NEDD4L: variants seen among roughly 807,000 people sequenced by gnomAD.
NEDD4L encodes the protein NEDD4 like E3 ubiquitin protein ligase, also known as E3 ubiquitin-protein ligase NEDD4-like.
A neutral mutation model predicts 148.9 loss-of-function variants in NEDD4L; 54 were observed. The observed-to-expected ratio is 0.36, with a 90% CI of 0.29 to 0.45. The LOEUF is 0.45. Among genes scored for constraint, NEDD4L ranks in the 20% least tolerant of loss-of-function variants. The pLI is 1.00. For missense variants in NEDD4L, 856 were observed against 1,233.8 expected (o/e 0.69, Z 4.59); for synonymous variants, 433 against 440.7 (o/e 0.98, Z 0.22).
chr18:58,385,225 G>GTTAAAGCAT (rs1299636935), intron 25 of NEDD4L, among the ~76,000 whole-genome samples: 1 of 152,166 alleles, frequency 6.6e-6, no homozygotes, highest in Admixed American at 6.5e-5. Context: ...TTTTAAAGCA[G>GTTAAAGCAT]TTAAAGCATT....
intron 2 of NEDD4L, among the ~76,000 whole-genome samples, chr18:58,238,487 G>A (rs575882981): frequency 1.2e-4 from 18 of 152,186 alleles, no homozygotes; most frequent in East Asian, 1.9e-4. Context: ...TAAACCATTC[G>A]TAAACATCAT....
At chr18:58,253,599 C>T (rs1179245135) in intron 5 of NEDD4L, among the ~76,000 whole-genome samples, 1 of 152,178 alleles carries the variant, frequency 6.6e-6, no homozygotes, top group East Asian at 1.9e-4. Flanking sequence ...CAGTACGTTC[C>T]TGGAGACATG....
intron 5 of NEDD4L, among the ~76,000 whole-genome samples, chr18:58,287,410 G>A (rs1206070462): frequency 6.6e-6 from 1 of 152,144 alleles, no homozygotes; most frequent in African/African-American, 2.4e-5. Context: ...TTCTAGTATA[G>A]GCTCCCTGCC....
intron 2 of NEDD4L, among the ~76,000 whole-genome samples, chr18:58,168,413 T>C (rs954805051): frequency 2.0e-5 from 3 of 152,192 alleles, no homozygotes; most frequent in African/African-American, 7.2e-5. Flanking sequence ...CTTGGGCAAA[T>C]CCCTTAAAAC....
rs183465817 is a variant in NEDD4L, at chr18:58,269,022, A to G, written c.297+16968A>G. 2.6e-3 allele frequency among the ~76,000 whole-genome samples: 394 copies of G among 151,950 alleles called. 9 individuals are homozygous for G. The highest frequency in any genetic ancestry group is 0.014 in the Middle Eastern group (4 of 294). On this transcript the variant is annotated intron_variant, in intron 5 of 30. Transcript: ENST00000400345. ...AGTCTGGTGATCCTCCCTGGCAGAAACCTCACTGGGGATCATTTTTTCCTT... is the reference window on the plus strand; with the variant it reads ...AGTCTGGTGATCCTCCCTGGCAGAAGCCTCACTGGGGATCATTTTTTCCTT...
intron 5 of NEDD4L, chr18:58,255,315 TAA>T (rs10541382): frequency 0.04 from 7,360 of 184,356 alleles, 165 homozygotes; most frequent in African/African-American, 0.096. Context: ...TCTTGCTGTT[TAA>T]AAAAAAAAAA....
rs1470845026 is a variant in NEDD4L at position 58,256,291 on chromosome 18, G to A, written c.297+4237G>A. ...TGGGCCCCGATGGCCAGGGCGGCCC[G>A]GCCGCGGCAGAGCCCAGGCGCTGGT... On this transcript the variant is annotated intron_variant, in intron 5 of 30. Coordinates refer to ENST00000400345, the MANE Select transcript of NEDD4L (RefSeq NM_001144967.3). The surrounding 1 kb of genome is among the most constrained non-coding windows in gnomAD (Gnocchi z 5.2). The A allele has an allele frequency of 3.2e-6, 4 of 1,231,576 alleles. No individual in the cohort carries two copies. In the Admixed American group the frequency reaches 1.3e-4, roughly 39 times the overall value. The allele number at this position is 1,231,576 out of a possible 1,614,324, so 76.3% of individuals were successfully genotyped here. A position where few individuals can be genotyped will look rare whatever the true frequency, so the allele number is the denominator to read the frequency against.
chr18:58,235,960 G>C (rs2045960241), intron 2 of NEDD4L, among the ~76,000 whole-genome samples: 2 of 152,130 alleles, frequency 1.3e-5, no homozygotes. Context: ...TTGAACCTGG[G>C]AGGCGGAGGC....
intron 1 of NEDD4L, among the ~76,000 whole-genome samples, chr18:58,130,000 CT>C (rs1228102023): frequency 7.0e-6 from 1 of 143,624 alleles, no homozygotes; most frequent in African/African-American, 2.6e-5. Flanking sequence ...GTGTTGGGCT[CT>C]GTTGGGGTTT....
At chr18:58,269,162 C>T (rs2050665396) in intron 5 of NEDD4L, among the ~76,000 whole-genome samples, 1 of 151,808 alleles carries the variant, frequency 6.6e-6, no homozygotes, top group Admixed American at 6.6e-5. Flanking sequence ...GAAGACTTGC[C>T]CAAAGTGGGG....
intron 18 of NEDD4L, among the ~76,000 whole-genome samples, chr18:58,353,361 TG>T (rs2044167776): frequency 6.6e-6 from 1 of 152,274 alleles, no homozygotes; most frequent in African/African-American, 2.4e-5. Flanking sequence ...CCAATATATT[TG>T]TGGCCATTGA....
intron 2 of NEDD4L, among the ~76,000 whole-genome samples, chr18:58,169,076 T>G (rs752013960): frequency 7.9e-5 from 12 of 152,186 alleles, no homozygotes; most frequent in Non-Finnish European, 1.3e-4. Context: ...GCCCTTGGTG[T>G]GGGGCCTCTC....
At chr18:58,301,095 T>G (rs9950709) in intron 5 of NEDD4L, among the ~76,000 whole-genome samples, 81,107 of 151,938 alleles carry the variant, frequency 0.53, 22,466 homozygotes, top group African/African-American at 0.69. Flanking sequence ...AGTGTGTTAG[T>G]CACCAGGTTC....
intron 13 of NEDD4L, among the ~76,000 whole-genome samples, chr18:58,336,586 A>G (rs1042748486): frequency 5.3e-5 from 8 of 152,206 alleles, no homozygotes; most frequent in African/African-American, 1.7e-4. Context: ...CAAAAAAAAA[A>G]AAAGAATTTC....
chr18:58,141,416 C>T (rs777523264), intron 1 of NEDD4L, among the ~76,000 whole-genome samples: 5 of 152,092 alleles, frequency 3.3e-5, no homozygotes, highest in Non-Finnish European at 7.4e-5. Flanking sequence ...AAACAAAATT[C>T]CTTTAATCAC....
chr18:58,112,431 C>T (rs190894067), intron 1 of NEDD4L, among the ~76,000 whole-genome samples: 78 of 150,348 alleles, frequency 5.2e-4, no homozygotes, highest in Non-Finnish European at 8.0e-4. Context: ...TCAGTTTGGT[C>T]GGTAAACTAT....
rs114126168 is a variant in NEDD4L, at chr18:58,215,253, T to A, written c.123-30174T>A. Among the ~76,000 whole-genome samples the A allele has an allele frequency of 9.7e-3, 1,480 of 152,348 alleles. 28 individuals carry two copies. Among genetic ancestry groups the A allele is most frequent in the African/African-American group, 0.034 (1,424 of 41,576 alleles). ...TCTGTAGTACTGCACTAGTTTCCAC[T>A]GGCTGTAGTGGTTGATGAGAGTACC... On this transcript the variant is annotated intron_variant, in intron 2 of 30. Coordinates refer to ENST00000400345, the MANE Select transcript of NEDD4L (RefSeq NM_001144967.3).
intron 16 of NEDD4L, among the ~76,000 whole-genome samples, chr18:58,347,025 T>C (rs1601543139): frequency 6.6e-6 from 1 of 152,190 alleles, no homozygotes; most frequent in African/African-American, 2.4e-5. Context: ...TTTTTATTAT[T>C]TTTGATAAAA....
intron 1 of NEDD4L, among the ~76,000 whole-genome samples, chr18:58,136,078 T>C (rs1212266541): frequency 3.3e-5 from 5 of 152,204 alleles, no homozygotes; most frequent in Admixed American, 3.3e-4. Context: ...TGAAACTTTT[T>C]GTGGCTTAGA....
Sources: gnomAD v4.1 joint callset for allele counts (sites outside exome capture counted in the v4.1 genomes callset) on GRCh38, gnomAD v4.1.1 for gene constraint, Gnocchi (gnomAD v3.1) non-coding constraint, MANE v1.5 for transcripts, NCBI Gene and HGNC (gene_info 2026-07-23, HGNC 2026-07-21) for gene names.